Variants in MAP1LC3C observed in about 807,000 individuals in gnomAD.
The protein encoded by MAP1LC3C is microtubule associated protein 1 light chain 3 gamma, also known as microtubule-associated protein 1 light chain 3 gamma.
Under a neutral mutation model 10.4 loss-of-function variants are expected in MAP1LC3C, and 12 were observed. The observed-to-expected ratio is 1.15, with a 90% CI of 0.74 to 1.86. The LOEUF is 1.86. Ranked by LOEUF, MAP1LC3C falls within the 40% of genes most tolerant of loss-of-function variation. The probability of loss-of-function intolerance (pLI) is 0.00; values close to 1 mark genes in which losing one functional copy is unlikely to be tolerated. For synonymous variants in MAP1LC3C, 70 were observed against 69.0 expected (o/e 1.01, Z -0.07); for missense variants, 177 against 185.7 (o/e 0.95, Z 0.27).
chr1:241,998,941 A>G lies in MAP1LC3C; in HGVS notation c.58+10T>C. The G allele has an allele frequency of 6.2e-7, 1 of 1,611,024 alleles. No individual in the cohort carries two copies. The stretch of plus-strand genomic sequence containing the variant: ...TTAGATAACCCAGAAAGCTACCCCA[A>G]GAAATTTACCCAAGCTTTTCCTCTG... On this transcript the variant is annotated intron_variant, in intron 1 of 3. Coordinates refer to ENST00000357246, the MANE Select transcript of MAP1LC3C (RefSeq NM_001004343.3).
upstream of MAP1LC3C, among the ~76,000 whole-genome samples, chr1:242,001,091 C>A (rs1665187162): frequency 6.6e-6 from 1 of 151,970 alleles, no homozygotes; most frequent in Non-Finnish European, 1.5e-5. Flanking sequence ...GCTTGGCCAA[C>A]ATCATGAAAC....
In MAP1LC3C at chr1:241,998,021, C is replaced by CTTTTTTTTTTTTTT. The variant is rs58237405; in HGVS notation, c.221+479_221+492dup. Among the ~76,000 whole-genome samples the CTTTTTTTTTTTTTT allele has an allele frequency of 2.5e-4, 24 of 95,420 alleles. 2 individuals carry two copies. Among genetic ancestry groups the CTTTTTTTTTTTTTT allele is most frequent in the East Asian group, 9.8e-4 (3 of 3,054 alleles). 62.6% of individuals were successfully genotyped at this position (95,420 alleles called of 152,430 possible). ...CTTACCTGTTTAAAATAGAGTAATTCTTTTTTTTTTTTTTTTTTTTTTGAG... is the reference window on the plus strand; with the variant it reads ...CTTACCTGTTTAAAATAGAGTAATTCTTTTTTTTTTTTTTTTTTTTTTTTTTTTTTTTTTTTGAG... On this transcript the variant is annotated intron_variant, in intron 3 of 3. Transcript: ENST00000357246.
In MAP1LC3C at chr1:241,998,592, G is replaced by A; in HGVS notation, c.143C>T (p.Thr48Met). 1.9e-6 allele frequency: 3 copies of A among 1,612,480 alleles called. No individual in the cohort carries two copies. Among genetic ancestry groups the A allele is most frequent in the Non-Finnish European group, 2.5e-6 (3 of 1,179,474 alleles). ...PVVVERYPRETFLPPLDKTKF... is the reference protein window; with the variant it reads ...PVVVERYPREMFLPPLDKTKF... The stretch of plus-strand genomic sequence containing the variant: ...GGTTTTGTCCAGCGGGGGCAGGAAC[G>A]TCTCCCTGGGGTAGCGCTCCACTAC... Residue 48 changes from threonine to methionine, a missense_variant, in exon 3 of 4, where the codon ACG becomes ATG. Physicochemically the swap from Thr to Met is moderately conservative, Grantham distance 81. Coordinates refer to ENST00000357246, the MANE Select transcript of MAP1LC3C (RefSeq NM_001004343.3).
upstream of MAP1LC3C, among the ~76,000 whole-genome samples, chr1:242,000,638 C>T (rs905281742): frequency 6.6e-5 from 10 of 152,130 alleles, no homozygotes; most frequent in African/African-American, 2.4e-4. Flanking sequence ...CTCAGGGAAA[C>T]ACTTTTACCG....
At chr1:241,997,145 CTGCCT>C (rs1188124244) in intron 3 of MAP1LC3C, among the ~76,000 whole-genome samples, 1 of 151,948 alleles carries the variant, frequency 6.6e-6, no homozygotes, top group Non-Finnish European at 1.5e-5. Context: ...GTAATCTGCC[CTGCCT>C]TGGCTTCCCA....
At position 241,999,083 on chromosome 1, in the gene MAP1LC3C, C is replaced by T; in HGVS notation, c.-75G>A. Reference sequence around the variant, plus strand: ...CAACCGGGAACCTAACTCATTCCTCCAGCTGCTTCCAAACTGCCTGCAGGA... The same window carrying T: ...CAACCGGGAACCTAACTCATTCCTCTAGCTGCTTCCAAACTGCCTGCAGGA... On this transcript the variant is annotated 5_prime_UTR_variant, in exon 1 of 4. Coordinates refer to ENST00000357246, the MANE Select transcript of MAP1LC3C (RefSeq NM_001004343.3). 8 of 1,530,334 alleles carry T rather than the reference C, an allele frequency of 5.2e-6. No individual in the cohort carries two copies. The highest frequency in any genetic ancestry group is 1.4e-5 in the African/African-American group (1 of 72,092). 94.8% of individuals were successfully genotyped at this position (1,530,334 alleles called of 1,614,324 possible).
chr1:241,997,251 C>G (rs185318618), intron 3 of MAP1LC3C, among the ~76,000 whole-genome samples: 58 of 152,224 alleles, frequency 3.8e-4, no homozygotes, highest in Middle Eastern at 3.4e-3. Flanking sequence ...ACTGAACTAA[C>G]TTTAACATGT....
At chr1:241,996,709 T>G (rs1665091591) in intron 3 of MAP1LC3C, among the ~76,000 whole-genome samples, 1 of 151,092 alleles carries the variant, frequency 6.6e-6, no homozygotes, top group South Asian at 2.1e-4. Context: ...GCTCACGAGG[T>G]CAAGAAATCG....
Position 241,996,065 on chromosome 1 carries a change from T to C in MAP1LC3C, c.*98A>G, listed in dbSNP as rs1256822094. ...TGGAGCTGATCACCCCAGGCATCCC[T>C]GCTTCTCAGACTCCTCCACTGTATA... On this transcript the variant is annotated 3_prime_UTR_variant, in exon 4 of 4. Coordinates refer to ENST00000357246, the MANE Select transcript of MAP1LC3C (RefSeq NM_001004343.3). 3.6e-6 allele frequency: 4 copies of C among 1,113,230 alleles called. No individual in the cohort carries two copies. Among genetic ancestry groups the C allele is most frequent in the Non-Finnish European group, 5.0e-6 (4 of 792,224 alleles). The allele number at this position is 1,113,230 out of a possible 1,614,324, so 69.0% of individuals were successfully genotyped here. A position where few individuals can be genotyped will look rare whatever the true frequency, so the allele number is the denominator to read the frequency against.
Position 241,996,179 on chromosome 1 carries a change from G to T in MAP1LC3C, c.428C>A (p.Pro143His). 1 of 1,613,864 alleles carries T rather than the reference G, an allele frequency of 6.2e-7. No homozygotes were observed. The highest frequency in any genetic ancestry group is 8.5e-7 in the Non-Finnish European group (1 of 1,179,958). ...CGACATGGGCTAGAGAGGATTGCAGGGTCTGTCCTCAAGGCTGCTCCCATC... is the reference window on the plus strand; with the variant it reads ...CGACATGGGCTAGAGAGGATTGCAGTGTCTGTCCTCAAGGCTGCTCCCATC... Reference protein sequence around the residue: ...PRDGSSLEDRPCNPL With the variant: ...PRDGSSLEDRHCNPL The change falls in exon 4 of 4, where the codon CCC (proline) becomes CAC (histidine). Residue 143 changes from proline (P) to histidine (H), a missense_variant. Physicochemically the swap from Pro to His is moderately conservative, Grantham distance 77. Coordinates refer to ENST00000357246, the MANE Select transcript of MAP1LC3C (RefSeq NM_001004343.3).
upstream of MAP1LC3C, chr1:241,999,174 A>G: frequency 1.5e-6 from 2 of 1,293,306 alleles, no homozygotes; most frequent in Non-Finnish European, 2.0e-6. Context: ...CCCTCTCCCC[A>G]CTCCCCCTCC....
Position 241,998,600 on chromosome 1 carries a change from G to A in MAP1LC3C, c.135C>T (p.Pro45=). The A allele has an allele frequency of 1.2e-6, 2 of 1,611,736 alleles. No individual in the cohort carries two copies. Among genetic ancestry groups the A allele is most frequent in the African/African-American group, 1.3e-5 (1 of 74,970 alleles). The stretch of plus-strand genomic sequence containing the variant: ...CCAGCGGGGGCAGGAACGTCTCCCT[G>A]GGGTAGCGCTCCACTACCACCTGTC... ...NKIPVVVERY[P]RETFLPPLDK... Residue 45 remains proline, a synonymous_variant, in exon 3 of 4, where the codon CCC becomes CCT. Transcript: ENST00000357246.
rs185362224 is a variant in MAP1LC3C at position 241,998,250 on chromosome 1, T to A, written c.221+264A>T. Among the ~76,000 whole-genome samples, 27 of 152,138 alleles carry A rather than the reference T, an allele frequency of 1.8e-4. 2 individuals carry two copies. Among genetic ancestry groups the A allele is most frequent in the African/African-American group, 6.5e-4 (27 of 41,520 alleles). Reference sequence around the variant, plus strand: ...GTTGGCCAGGCTGGTCTCAAACTCCTGACCTCTGCGATCCACCTGCCTCAG... The same window carrying A: ...GTTGGCCAGGCTGGTCTCAAACTCCAGACCTCTGCGATCCACCTGCCTCAG... On this transcript the variant is annotated intron_variant, in intron 3 of 3. Transcript: ENST00000357246.
chr1:241,998,918 A>G (rs372413438), intron 1 of MAP1LC3C, 33 bp downstream of exon 1: 7 of 1,612,294 alleles, frequency 4.3e-6, no homozygotes, highest in Non-Finnish European at 5.9e-6. Context: ...TCCTCTCTTT[A>G]GATAACCCAG....
chr1:241,997,939 A>G (rs183563059), intron 3 of MAP1LC3C, among the ~76,000 whole-genome samples: 2 of 152,216 alleles, frequency 1.3e-5, no homozygotes, highest in Non-Finnish European at 2.9e-5. Flanking sequence ...TACTTTAGGA[A>G]ATTCTTAGAA....
Position 241,996,180 on chromosome 1 carries a change from GTC to G in MAP1LC3C, c.425_426del (p.Arg142ThrfsTer37). 6 of 1,613,926 alleles carry G rather than the reference GTC, an allele frequency of 3.7e-6. No individual in the cohort carries two copies. The highest frequency in any genetic ancestry group is 5.1e-6 in the Non-Finnish European group (6 of 1,179,958). ...GACATGGGCTAGAGAGGATTGCAGGGTCTGTCCTCAAGGCTGCTCCCATCCCT... is the reference window on the plus strand; with the variant it reads ...GACATGGGCTAGAGAGGATTGCAGGGTGTCCTCAAGGCTGCTCCCATCCCT... ...APRDGSSLED[R>X]PCNPL On this transcript the variant is annotated frameshift_variant, in exon 4 of 4. Transcript: ENST00000357246. LOFTEE classifies it high-confidence loss of function.
Position 241,998,489 on chromosome 1 carries a change from C to G in MAP1LC3C, c.221+25G>C, listed in dbSNP as rs148041866. 7.6e-3 allele frequency: 12,241 copies of G among 1,607,438 alleles called. 68 individuals are homozygous for G. The highest frequency in any genetic ancestry group is 9.2e-3 in the Non-Finnish European group (10,805 of 1,174,012). The stretch of plus-strand genomic sequence containing the variant: ...CCCGGCGCACCCAGCGCACCTTCCT[C>G]CGGGGCACGCTCTGCGCCACCTACC... On this transcript the variant is annotated intron_variant, in intron 3 of 3. Transcript: ENST00000357246.
At chr1:241,998,310 C>G (rs917913763) in intron 3 of MAP1LC3C, among the ~76,000 whole-genome samples, 2 of 152,156 alleles carry the variant, frequency 1.3e-5, no homozygotes, top group African/African-American at 4.8e-5. Context: ...GCATGAGCCA[C>G]TCCGCCCGGG....
At chr1:242,001,240 G>A (rs1378727086), upstream of MAP1LC3C, among the ~76,000 whole-genome samples, 1 of 151,958 alleles carries the variant, frequency 6.6e-6, no homozygotes, top group Non-Finnish European at 1.5e-5. Context: ...TTGTGCCACT[G>A]CACTCCAGCC....
Sources: gnomAD v4.1 joint callset for allele counts (sites outside exome capture counted in the v4.1 genomes callset) on GRCh38, gnomAD v4.1.1 for gene constraint, MANE v1.5 for transcripts, NCBI Gene and HGNC (gene_info 2026-07-23, HGNC 2026-07-21) for gene names.